The following ACER3 variants were observed in gnomAD, a reference collection of about 807,000 sequenced individuals.
The protein encoded by ACER3 is alkaline ceramidase 3, also known as alkCDase 3.
Under a neutral mutation model 48.9 loss-of-function variants are expected in ACER3, and 16 were observed. That is an observed-to-expected ratio of 0.33 (90% CI 0.22 to 0.50). ACER3 has a LOEUF of 0.50. Ranked by LOEUF, ACER3 falls within the 20% of genes least tolerant of loss-of-function variation. ACER3 has a pLI of 0.98. For missense variants in ACER3, 227 were observed against 326.0 expected, an observed-to-expected ratio of 0.70 and a Z score of 2.34; for synonymous variants, 109 against 107.8, an observed-to-expected ratio of 1.01 and a Z score of -0.07.
At chr11:76,998,929 T>A (rs1555019229) in intron 7 of ACER3, 108 bp downstream of exon 7, 9 of 802,480 alleles carry the variant, frequency 1.1e-5, no homozygotes, top group Non-Finnish European at 1.6e-5. Flanking sequence ...TCAGTAGAGA[T>A]GTTGGAAGAA....
chr11:76,862,670 T>C (rs935380796), intron 1 of ACER3, among the ~76,000 whole-genome samples: 2 of 152,164 alleles, frequency 1.3e-5, no homozygotes, highest in South Asian at 4.1e-4. Flanking sequence ...TTATTTGGAA[T>C]CTGGAATTAG....
At chr11:76,955,003 A>G (rs1163307303) in intron 2 of ACER3, among the ~76,000 whole-genome samples, 1 of 152,222 alleles carries the variant, frequency 6.6e-6, no homozygotes, top group East Asian at 1.9e-4. Flanking sequence ...AGTATTAAGT[A>G]CACAGTAAAT....
chr11:76,917,403 A>G (rs754205841), intron 1 of ACER3, among the ~76,000 whole-genome samples: 3 of 152,190 alleles, frequency 2.0e-5, no homozygotes, highest in Admixed American at 6.6e-5. Context: ...AAACTATTAT[A>G]TATATCCCAA....
chr11:77,006,529 T>C (rs1555021068), intron 7 of ACER3, among the ~76,000 whole-genome samples: 1 of 152,090 alleles, frequency 6.6e-6, no homozygotes, highest in East Asian at 1.9e-4. Context: ...CTCCTGGAAA[T>C]GTAGTCTCTT....
At chr11:76,910,207 G>A (rs1042068317) in intron 1 of ACER3, among the ~76,000 whole-genome samples, 3 of 151,948 alleles carry the variant, frequency 2.0e-5, no homozygotes, top group Non-Finnish European at 4.4e-5. Context: ...AACCACCATG[G>A]CACATGTATA....
At chr11:76,976,418 T>C in intron 4 of ACER3, 77 bp downstream of exon 4, 1 of 743,932 alleles carries the variant, frequency 1.3e-6, no homozygotes, top group East Asian at 2.9e-5. Context: ...ATATAACTGA[T>C]ACATTTATAT....
At chr11:76,937,242 G>C (rs576956370) in intron 2 of ACER3, among the ~76,000 whole-genome samples, 1 of 152,162 alleles carries the variant, frequency 6.6e-6, no homozygotes, top group Non-Finnish European at 1.5e-5. Context: ...TTTTGGCAAG[G>C]CTGTGGGAGA....
chr11:76,932,594 G>A (rs1267070987), intron 2 of ACER3, among the ~76,000 whole-genome samples: 1 of 152,168 alleles, frequency 6.6e-6, no homozygotes, highest in African/African-American at 2.4e-5. Context: ...GGGACTTCCA[G>A]TTGCCCTAGG....
chr11:76,900,155 C>T (rs900187606), intron 1 of ACER3, among the ~76,000 whole-genome samples: 2 of 151,128 alleles, frequency 1.3e-5, no homozygotes, highest in African/African-American at 4.9e-5. Flanking sequence ...ATAGCAAAAG[C>T]CTGTCTCTAA....
At chr11:76,908,759 G>GA (rs1946297618) in intron 1 of ACER3, among the ~76,000 whole-genome samples, 1 of 151,886 alleles carries the variant, frequency 6.6e-6, no homozygotes, top group African/African-American at 2.4e-5. Context: ...CACAGAATTA[G>GA]AAAAAAACAA....
At chr11:76,972,475 T>C (rs79949665) in intron 3 of ACER3, among the ~76,000 whole-genome samples, 8,565 of 152,338 alleles carry the variant, frequency 0.056, 829 homozygotes, top group African/African-American at 0.2. Context: ...GACTTCTTTC[T>C]ATATTCTAGA....
At chr11:76,867,209 C>T (rs187054507) in intron 1 of ACER3, among the ~76,000 whole-genome samples, 5 of 151,756 alleles carry the variant, frequency 3.3e-5, no homozygotes, top group East Asian at 1.9e-4. Context: ...TGGCTCATGC[C>T]TGTAATCCCA....
chr11:76,922,431 T>C (rs1321982737), intron 1 of ACER3, among the ~76,000 whole-genome samples: 3 of 152,170 alleles, frequency 2.0e-5, no homozygotes, highest in Non-Finnish European at 4.4e-5. Context: ...TGGTAAAATA[T>C]TCAACATCTC....
chr11:76,939,493 G>A (rs1468828020), intron 2 of ACER3, among the ~76,000 whole-genome samples: 2 of 152,222 alleles, frequency 1.3e-5, no homozygotes, highest in African/African-American at 2.4e-5. Flanking sequence ...CTAGTCAGAA[G>A]GCTGAGGCAG....
intron 4 of ACER3, among the ~76,000 whole-genome samples, chr11:76,977,253 G>A (rs1948466555): frequency 6.6e-6 from 1 of 152,224 alleles, no homozygotes; most frequent in Non-Finnish European, 1.5e-5. Flanking sequence ...AATATATCAT[G>A]ATGGAGAAAA....
At chr11:76,903,833 T>C (rs1259447347) in intron 1 of ACER3, among the ~76,000 whole-genome samples, 4 of 152,156 alleles carry the variant, frequency 2.6e-5, no homozygotes, top group Non-Finnish European at 5.9e-5. Flanking sequence ...CTTCTTCCCT[T>C]TCAAGGTCTT....
At chr11:76,980,303 A>C (rs1018430156) in intron 4 of ACER3, among the ~76,000 whole-genome samples, 4 of 152,238 alleles carry the variant, frequency 2.6e-5, no homozygotes, top group African/African-American at 9.6e-5. Context: ...TTAGGAGAAG[A>C]TATTCTTGAG....
At chr11:76,904,701 T>C (rs1477468040) in intron 1 of ACER3, among the ~76,000 whole-genome samples, 1 of 152,140 alleles carries the variant, frequency 6.6e-6, no homozygotes, top group Non-Finnish European at 1.5e-5. Context: ...TGAGGCACAA[T>C]TAAACTGCAC....
rs1166994217 is a variant in ACER3 at position 76,868,391 on chromosome 11, CTGTGTG to C, written c.103+7348_103+7353del. ...AGTTTTAATATCTCTCTCTCTCTCT[CTGTGTG>C]TGTGTGTGTGTGTGTGTGTGTGTGT... On this transcript the variant is annotated intron_variant, in intron 1 of 10. Coordinates refer to ENST00000532485, the MANE Select transcript of ACER3 (RefSeq NM_018367.7). 1.1e-3 allele frequency: 195 copies of C among 175,008 alleles called. 2 individuals carry two copies. Among genetic ancestry groups the C allele is most frequent in the African/African-American group, 3.0e-3 (112 of 37,764 alleles). The allele number at this position is 175,008 out of a possible 1,614,324, so 10.8% of individuals were successfully genotyped here. A position where few individuals can be genotyped will look rare whatever the true frequency, so the allele number is the denominator to read the frequency against.
Sources: gnomAD v4.1 joint callset for allele counts (sites outside exome capture counted in the v4.1 genomes callset) on GRCh38, gnomAD v4.1.1 for gene constraint, MANE v1.5 for transcripts, NCBI Gene and HGNC (gene_info 2026-07-23, HGNC 2026-07-21) for gene names.